Variants in FBLN1 observed in about 807,000 individuals in gnomAD.
FBLN1 encodes fibulin-1.
FBLN1 carries 34 observed loss-of-function variants against 89.7 expected under a neutral mutation model. That is an observed-to-expected ratio of 0.38 (90% CI 0.29 to 0.50). The LOEUF is 0.50. Ranked by LOEUF, FBLN1 falls within the 20% of genes least tolerant of loss-of-function variation. The pLI, the probability that FBLN1 is intolerant of heterozygous loss-of-function variation, is 0.92. For synonymous variants in FBLN1, 393 were observed against 391.3 expected (o/e 1.00, Z -0.05); for missense variants, 777 against 988.1 (o/e 0.79, Z 2.86).
At chr22:45,540,871 G>T (rs2088546648) in intron 8 of FBLN1, among the ~76,000 whole-genome samples, 1 of 152,264 alleles carries the variant, frequency 6.6e-6, no homozygotes, top group African/African-American at 2.4e-5. Flanking sequence ...GGGAGTCAGA[G>T]TTGCTGGCAC....
chr22:45,529,272 G>C (rs1217884700), intron 4 of FBLN1, among the ~76,000 whole-genome samples: 1 of 152,230 alleles, frequency 6.6e-6, no homozygotes, highest in Non-Finnish European at 1.5e-5. Flanking sequence ...GCTATGCTCT[G>C]TCAAATCATA....
In FBLN1 at chr22:45,579,396, G is replaced by A. The variant is rs1414395827; in HGVS notation, c.1972+2288G>A. ...TCCCAGGGTATGAGAGATGATCACAGGTGCCGTCCCGGCAGCGGGCTTCTG... is the reference window on the plus strand; with the variant it reads ...TCCCAGGGTATGAGAGATGATCACAAGTGCCGTCCCGGCAGCGGGCTTCTG... On this transcript the variant is annotated intron_variant, in intron 16 of 16. Coordinates refer to ENST00000327858, the MANE Select transcript of FBLN1 (RefSeq NM_006486.3). This position sits in a 1 kb window ranked among gnomAD's most constrained non-coding sequence, Gnocchi z 5.5. 6.6e-6 allele frequency among the ~76,000 whole-genome samples: 1 copy of A among 152,274 alleles called. No individual in the cohort carries two copies. The highest frequency in any genetic ancestry group is 1.9e-4 in the East Asian group (1 of 5,198).
At chr22:45,567,541 G>C (rs2088909950) in intron 14 of FBLN1, among the ~76,000 whole-genome samples, 1 of 152,124 alleles carries the variant, frequency 6.6e-6, no homozygotes, top group African/African-American at 2.4e-5. Context: ...GCTTGAACCT[G>C]GAATACAGAG....
rs2088674527 is a variant in FBLN1, at chr22:45,549,513, C to T, written c.1573+769C>T. On this transcript the variant is annotated intron_variant, in intron 13 of 16. Transcript: ENST00000327858. The surrounding 1 kb of genome is among the most constrained non-coding windows in gnomAD (Gnocchi z 5.7). ...AGCTGCGGTGTTTCCTGGGAGGCCCCCTCCGCTTGCCCTGGGCTCTGGATG... is the reference window on the plus strand; with the variant it reads ...AGCTGCGGTGTTTCCTGGGAGGCCCTCTCCGCTTGCCCTGGGCTCTGGATG... Among the ~76,000 whole-genome samples the T allele has an allele frequency of 1.3e-5, 2 of 152,138 alleles. No homozygotes were observed. Among genetic ancestry groups the T allele is most frequent in the African/African-American group, 2.4e-5 (1 of 41,422 alleles).
intron 7 of FBLN1, among the ~76,000 whole-genome samples, chr22:45,534,826 A>G (rs556591590): frequency 6.6e-6 from 1 of 152,340 alleles, no homozygotes; most frequent in African/African-American, 2.4e-5. Context: ...AAGACTTCAG[A>G]ATGGATATGT....
intron 9 of FBLN1, 59 bp from the exon 10 acceptor site, chr22:45,542,095 CT>C: frequency 6.2e-7 from 1 of 1,612,826 alleles, no homozygotes; most frequent in Non-Finnish European, 8.5e-7. Flanking sequence ...TTCTGATCAT[CT>C]TGGGGGGAAA....
Position 45,547,087 on chromosome 22 carries a change from A to G in FBLN1, c.1324A>G (p.Ile442Val), listed in dbSNP as rs2088638869. Residue 442 changes from isoleucine (I) to valine (V), a missense_variant and splice_region_variant, in exon 12 of 17, where the codon ATC becomes GTC. Transcript: ENST00000327858. ...GTGACCCTCGTTTTGTATTTCAGAC[A>G]TCAATGAGTGCAGCAGCAGCCCCTG... ...LSVDGRSCED[I>V]NECSSSPCSQ... 1.2e-6 allele frequency: 2 copies of G among 1,614,020 alleles called. No homozygotes were observed. The highest frequency in any genetic ancestry group is 1.7e-6 in the Non-Finnish European group (2 of 1,180,034).
At chr22:45,548,526 AG>A (rs1438447198) in intron 12 of FBLN1, 86 bp from the exon 13 acceptor site, 14 of 1,577,278 alleles carry the variant, frequency 8.9e-6, no homozygotes, top group Non-Finnish European at 1.2e-5. Flanking sequence ...CCCGGGCCCC[AG>A]TGCAGCCCCC....
At chr22:45,559,808 C>T (rs548636623) in intron 14 of FBLN1, among the ~76,000 whole-genome samples, 2 of 152,124 alleles carry the variant, frequency 1.3e-5, no homozygotes, top group Non-Finnish European at 2.9e-5. Context: ...GGTAAAAGGC[C>T]AGAGGTCTCT....
In FBLN1 at chr22:45,537,416, C is replaced by T. The variant is rs572442320; in HGVS notation, c.922+2079C>T. ...GGTGGATCACTTGAGGTCAGGAGTT[C>T]GAGACCAGCCTGACCAATATGGTGA... On this transcript the variant is annotated intron_variant, in intron 8 of 16. Coordinates refer to ENST00000327858, the MANE Select transcript of FBLN1 (RefSeq NM_006486.3). The surrounding 1 kb of genome is among the most constrained non-coding windows in gnomAD (Gnocchi z 5.7). Among the ~76,000 whole-genome samples, 201 of 152,044 alleles carry T rather than the reference C, an allele frequency of 1.3e-3. No homozygotes were observed. The highest frequency in any genetic ancestry group is 2.2e-3 in the Non-Finnish European group (147 of 67,976).
chr22:45,592,409 C>T (rs547904882), intron 16 of FBLN1, among the ~76,000 whole-genome samples: 76 of 152,252 alleles, frequency 5.0e-4, no homozygotes, highest in African/African-American at 1.7e-3. Flanking sequence ...TCACTGCAAC[C>T]TCTGCCTCCC....
At position 45,550,560 on chromosome 22, in the gene FBLN1, G is replaced by T. The variant is rs147123076; in HGVS notation, c.1642G>T (p.Gly548Cys). Residue 548 changes from glycine to cysteine, a missense_variant, in exon 14 of 17, where the codon GGC (glycine) becomes TGC (cysteine). Transcript: ENST00000327858. The surrounding 1 kb of genome is among the most constrained non-coding windows in gnomAD (Gnocchi z 8.4). ...CGAGACCTGCTTCAACATCCAGGGC[G>T]GCTTCCGCTGCCTGGCCTTCGAGTG... ...INETCFNIQG[G>C]FRCLAFECPE... 1.2e-6 allele frequency: 2 copies of T among 1,614,004 alleles called. No individual in the cohort carries two copies. The highest frequency in any genetic ancestry group is 2.7e-5 in the African/African-American group (2 of 74,916).
At chr22:45,539,947 C>T (rs1203303923) in intron 8 of FBLN1, among the ~76,000 whole-genome samples, 3 of 152,150 alleles carry the variant, frequency 2.0e-5, no homozygotes, top group Non-Finnish European at 1.5e-5. Context: ...CAGGGGCCAC[C>T]CAGCTGTTTC....
At chr22:45,521,929 A>G (rs2088256670) in intron 2 of FBLN1, among the ~76,000 whole-genome samples, 1 of 152,144 alleles carries the variant, frequency 6.6e-6, no homozygotes, top group Non-Finnish European at 1.5e-5. Flanking sequence ...TGATATTTAA[A>G]AGATGCAAAA....
At chr22:45,529,715 A>T (rs1311814567) in intron 4 of FBLN1, among the ~76,000 whole-genome samples, 1 of 151,744 alleles carries the variant, frequency 6.6e-6, no homozygotes, top group African/African-American at 2.4e-5. Flanking sequence ...AAAATACAAA[A>T]ATTAGCTGGG....
intron 1 of FBLN1, among the ~76,000 whole-genome samples, chr22:45,507,540 A>G (rs985973923): frequency 3.3e-5 from 5 of 151,820 alleles, no homozygotes; most frequent in African/African-American, 1.2e-4. Context: ...TTTTATTATT[A>G]TTTTTGAGAC....
In FBLN1 at chr22:45,531,163, C is replaced by T; in HGVS notation, c.485-102C>T. 1 of 951,434 alleles carries T rather than the reference C, an allele frequency of 1.1e-6. No individual in the cohort carries two copies. Among genetic ancestry groups the T allele is most frequent in the Non-Finnish European group, 1.7e-6 (1 of 577,592 alleles). 58.9% of individuals were successfully genotyped at this position (951,434 alleles called of 1,614,324 possible). ...TGTTTATATAAGATGTTCAAATGGG[C>T]ATTACTGCCTGATAGTGACAAGAAG... On this transcript the variant is annotated intron_variant, in intron 4 of 16. Coordinates refer to ENST00000327858, the MANE Select transcript of FBLN1 (RefSeq NM_006486.3). The surrounding 1 kb of genome is among the most constrained non-coding windows in gnomAD (Gnocchi z 4.9).
intron 1 of FBLN1, among the ~76,000 whole-genome samples, chr22:45,515,422 G>A (rs905398561): frequency 2.6e-5 from 4 of 152,116 alleles, no homozygotes; most frequent in South Asian, 2.1e-4. Flanking sequence ...CTGAGTTTCC[G>A]GAAGACCAAA....
intron 16 of FBLN1, among the ~76,000 whole-genome samples, chr22:45,586,769 C>T (rs1483139241): frequency 2.0e-5 from 3 of 152,024 alleles, no homozygotes; most frequent in Non-Finnish European, 2.9e-5. Context: ...GAGGAGGGCC[C>T]GGAATGGGGC....
Sources: gnomAD v4.1 joint callset for allele counts (sites outside exome capture counted in the v4.1 genomes callset) on GRCh38, gnomAD v4.1.1 for gene constraint, Gnocchi (gnomAD v3.1) non-coding constraint, MANE v1.5 for transcripts, NCBI Gene and HGNC (gene_info 2026-07-23, HGNC 2026-07-21) for gene names.